RXRA: variants seen among roughly 807,000 people sequenced by gnomAD.
RXRA encodes retinoic acid receptor RXR-alpha.
A neutral mutation model predicts 44.5 loss-of-function variants in RXRA; 5 were observed. That is an observed-to-expected ratio of 0.11 (90% CI 0.06 to 0.24). The LOEUF is 0.24. Among genes scored for constraint, RXRA ranks in the 10% least tolerant of loss-of-function variants. RXRA has a pLI of 1.00. For missense variants in RXRA, 412 were observed against 646.5 expected, an observed-to-expected ratio of 0.64 and a Z score of 3.93; for synonymous variants, 291 against 271.4, an observed-to-expected ratio of 1.07 and a Z score of -0.71.
At chr9:134,392,545 A>G (rs1830816348) in intron 1 of RXRA, among the ~76,000 whole-genome samples, 1 of 152,106 alleles carries the variant, frequency 6.6e-6, no homozygotes, top group Admixed American at 6.5e-5. Context: ...CGCGATTTCC[A>G]TCACGGCTCT....
chr9:134,346,222 C>G (rs891645844), intron 1 of RXRA, among the ~76,000 whole-genome samples: 2 of 152,174 alleles, frequency 1.3e-5, no homozygotes, highest in African/African-American at 2.4e-5. Context: ...GGGGTGGAGT[C>G]CCAGCCCGGG....
intron 1 of RXRA, among the ~76,000 whole-genome samples, chr9:134,335,477 C>G (rs1280383189): frequency 6.6e-6 from 1 of 152,162 alleles, no homozygotes; most frequent in African/African-American, 2.4e-5. Flanking sequence ...AAGGGATGCC[C>G]GTGCGGGCGT....
At position 134,423,050 on chromosome 9, in the gene RXRA, G is replaced by A. The variant is rs939137200; in HGVS notation, c.910+1245G>A. 316 of 985,484 alleles carry A rather than the reference G, an allele frequency of 3.2e-4. 2 individuals are homozygous for A. Among genetic ancestry groups the A allele is most frequent in the Non-Finnish European group, 3.6e-4 (299 of 829,926 alleles). The allele number at this position is 985,484 out of a possible 1,614,324, so 61.0% of individuals were successfully genotyped here. On this transcript the variant is annotated intron_variant, in intron 6 of 9. Transcript: ENST00000481739. The stretch of plus-strand genomic sequence containing the variant: ...CGGTGGCTGGGAGCTCAGCTTTGGG[G>A]TTTTGGGGTCAGGTTGGCAGTGGAA...
chr9:134,428,227 C>T (rs1469581924), intron 6 of RXRA, among the ~76,000 whole-genome samples: 1 of 147,898 alleles, frequency 6.8e-6, no homozygotes, highest in African/African-American at 2.5e-5. Context: ...CCCCAGGGAA[C>T]CCCCACTGTG....
At position 134,417,762 on chromosome 9, in the gene RXRA, G is replaced by A. The variant is rs1227612395; in HGVS notation, c.780+435G>A. Among the ~76,000 whole-genome samples, 1 of 152,160 alleles carries A rather than the reference G, an allele frequency of 6.6e-6. No individual in the cohort carries two copies. Among genetic ancestry groups the A allele is most frequent in the South Asian group, 2.1e-4 (1 of 4,824 alleles). ...GGCTCTGCAGGTTGGTTCCAGGGCTGGCTCTGCCAGCAGCCGTGTGGCCCT... is the reference window on the plus strand; with the variant it reads ...GGCTCTGCAGGTTGGTTCCAGGGCTAGCTCTGCCAGCAGCCGTGTGGCCCT... On this transcript the variant is annotated intron_variant, in intron 5 of 9. Coordinates refer to ENST00000481739, the MANE Select transcript of RXRA (RefSeq NM_002957.6). This position sits in a 1 kb window ranked among gnomAD's most constrained non-coding sequence, Gnocchi z 6.1.
rs917746084 is a variant in RXRA at position 134,407,995 on chromosome 9, G to C, written c.280-154G>C. ...AGCACAGTGGCCCCGCTGCTCCGGA[G>C]CAGCGTGGCGGGTGGGGGGCACGGC... On this transcript the variant is annotated intron_variant, in intron 2 of 9. Transcript: ENST00000481739. This position sits in a 1 kb window ranked among gnomAD's most constrained non-coding sequence, Gnocchi z 4.8. 2.6e-5 allele frequency among the ~76,000 whole-genome samples: 4 copies of C among 152,054 alleles called. No homozygotes were observed. Among genetic ancestry groups the C allele is most frequent in the African/African-American group, 9.6e-5 (4 of 41,486 alleles).
At chr9:134,383,902 T>TAAC (rs1424351528) in intron 1 of RXRA, among the ~76,000 whole-genome samples, 1 of 152,164 alleles carries the variant, frequency 6.6e-6, no homozygotes, top group African/African-American at 2.4e-5. Flanking sequence ...GGATCCTGGC[T>TAAC]AACACCCAGG....
At position 134,397,380 on chromosome 9, in the gene RXRA, G is replaced by A. The variant is rs141711895; in HGVS notation, c.29-4252G>A. Among the ~76,000 whole-genome samples, 643 of 152,338 alleles carry A rather than the reference G, an allele frequency of 4.2e-3. 5 individuals are homozygous for A. Among genetic ancestry groups the A allele is most frequent in the African/African-American group, 0.014 (602 of 41,580 alleles). ...CAGGATCTGCCATCTGGGGGCCCAGGGAGCTGCTCTGTGCCTGCCCTGGGT... is the reference window on the plus strand; with the variant it reads ...CAGGATCTGCCATCTGGGGGCCCAGAGAGCTGCTCTGTGCCTGCCCTGGGT... On this transcript the variant is annotated intron_variant, in intron 1 of 9. Transcript: ENST00000481739.
intron 1 of RXRA, among the ~76,000 whole-genome samples, chr9:134,341,968 C>A (rs1830091483): frequency 6.6e-6 from 1 of 152,146 alleles, no homozygotes; most frequent in Non-Finnish European, 1.5e-5. Flanking sequence ...TGCTGAGGGT[C>A]CGCTGTGCTC....
At chr9:134,432,814 G>A (rs1173183361) in intron 8 of RXRA, among the ~76,000 whole-genome samples, 1 of 152,232 alleles carries the variant, frequency 6.6e-6, no homozygotes, top group African/African-American at 2.4e-5. Flanking sequence ...TGAGAGGCAC[G>A]GAGGTGGGGT....
Position 134,426,216 on chromosome 9 carries a change from C to G in RXRA, c.911-2892C>G. 1 of 985,410 alleles carries G rather than the reference C, an allele frequency of 1.0e-6. No homozygotes were observed. The highest frequency in any genetic ancestry group is 1.2e-6 in the Non-Finnish European group (1 of 829,916). 61.0% of individuals were successfully genotyped at this position (985,410 alleles called of 1,614,324 possible). The stretch of plus-strand genomic sequence containing the variant: ...TATCCTCTGCATCACTGAGGTCCTC[C>G]TTCTGAAAGGCCAGCGCACCCTGAG... On this transcript the variant is annotated intron_variant, in intron 6 of 9. Transcript: ENST00000481739. The surrounding 1 kb of genome is among the most constrained non-coding windows in gnomAD (Gnocchi z 4.6).
At chr9:134,396,864 G>T (rs931982332) in intron 1 of RXRA, among the ~76,000 whole-genome samples, 1 of 152,172 alleles carries the variant, frequency 6.6e-6, no homozygotes. Context: ...AGACCCTGCC[G>T]CGATTGGCCC....
At chr9:134,397,919 G>A (rs961807192) in intron 1 of RXRA, among the ~76,000 whole-genome samples, 30 of 152,212 alleles carry the variant, frequency 2.0e-4, no homozygotes, top group Non-Finnish European at 4.4e-5. Context: ...GAGGGCCACG[G>A]AAGTCAGTGA....
chr9:134,338,906 A>T (rs1379979590), intron 1 of RXRA, among the ~76,000 whole-genome samples: 1 of 151,822 alleles, frequency 6.6e-6, no homozygotes, highest in African/African-American at 2.4e-5. Flanking sequence ...CTCCCTGCTG[A>T]CCCCTCTGCC....
intron 1 of RXRA, among the ~76,000 whole-genome samples, chr9:134,388,647 C>T (rs982348958): frequency 3.3e-5 from 5 of 152,196 alleles, no homozygotes; most frequent in Non-Finnish European, 5.9e-5. Flanking sequence ...GTGAGTCAGG[C>T]GCATGGAAGT....
At chr9:134,423,495 G>A (rs995998080) in intron 6 of RXRA, 1 of 985,480 alleles carries the variant, frequency 1.0e-6, no homozygotes, top group Non-Finnish European at 1.2e-6. Flanking sequence ...GGTCAGGGCT[G>A]TGACCACACA....
In RXRA at chr9:134,366,220, G is replaced by T. The variant is rs1830412950; in HGVS notation, c.29-35412G>T. ...TGGCATGTTCTGGGCTGTGTGTGGGGCCAGGGAGGGTGTCTTCAGCACAGG... is the reference window on the plus strand; with the variant it reads ...TGGCATGTTCTGGGCTGTGTGTGGGTCCAGGGAGGGTGTCTTCAGCACAGG... On this transcript the variant is annotated intron_variant, in intron 1 of 9. Transcript: ENST00000481739. The surrounding 1 kb of genome is among the most constrained non-coding windows in gnomAD (Gnocchi z 5.9). 2.0e-5 allele frequency among the ~76,000 whole-genome samples: 3 copies of T among 152,284 alleles called. No homozygotes were observed. The South Asian group carries it at 6.2e-4, about 32-fold the overall frequency.
chr9:134,384,848 C>A (rs143316521), intron 1 of RXRA, among the ~76,000 whole-genome samples: 2,058 of 152,306 alleles, frequency 0.014, 12 homozygotes, highest in Non-Finnish European at 0.019. Flanking sequence ...TGGTTCAGGG[C>A]CAGCCTGGCC....
chr9:134,408,517 C>T (rs1360685227), intron 3 of RXRA, among the ~76,000 whole-genome samples: 7 of 152,186 alleles, frequency 4.6e-5, no homozygotes, highest in African/African-American at 1.7e-4. Flanking sequence ...TGGGGTGGGG[C>T]ACAGGGCAGC....
Sources: gnomAD v4.1 joint callset for allele counts (sites outside exome capture counted in the v4.1 genomes callset) on GRCh38, gnomAD v4.1.1 for gene constraint, Gnocchi (gnomAD v3.1) non-coding constraint, MANE v1.5 for transcripts, NCBI Gene and HGNC (gene_info 2026-07-23, HGNC 2026-07-21) for gene names.